Variants in ENAH observed in about 807,000 individuals in gnomAD.
The protein encoded by ENAH is ENAH actin regulator, also known as protein enabled homolog.
In ENAH, 23 loss-of-function variants were observed where a neutral mutation model predicts 78.7. The ratio of observed to expected loss-of-function variants is 0.29; its 90% CI spans 0.21 to 0.41. The LOEUF (loss-of-function observed/expected upper bound fraction) is 0.41, where lower values mean the gene tolerates loss of function less well. ENAH is among the 10% of genes least tolerant of loss of function. ENAH has a pLI of 1.00. For synonymous variants in ENAH, 226 were observed against 241.0 expected, an observed-to-expected ratio of 0.94 and a Z score of 0.58; for missense variants, 544 against 691.0, an observed-to-expected ratio of 0.79 and a Z score of 2.39.
At chr1:225,643,022 A>G (rs930500499) in intron 1 of ENAH, among the ~76,000 whole-genome samples, 1 of 151,880 alleles carries the variant, frequency 6.6e-6, no homozygotes, top group African/African-American at 2.4e-5. Context: ...AACTGATACA[A>G]CTCCCTTTAG....
intron 1 of ENAH, among the ~76,000 whole-genome samples, chr1:225,636,319 C>T (rs1435647112): frequency 6.6e-6 from 1 of 152,198 alleles, no homozygotes; most frequent in Non-Finnish European, 1.5e-5. Context: ...GGAAACAGAA[C>T]TGCTGACTGG....
chr1:225,619,418 C>T (rs909523558), intron 1 of ENAH, among the ~76,000 whole-genome samples: 1 of 152,276 alleles, frequency 6.6e-6, no homozygotes, highest in East Asian at 1.9e-4. Context: ...GTGGCAAGCA[C>T]CTGTAGTCCC....
At chr1:225,516,543 G>C (rs746763003) in intron 6 of ENAH, among the ~76,000 whole-genome samples, 5 of 152,134 alleles carry the variant, frequency 3.3e-5, no homozygotes, top group African/African-American at 4.8e-5. Flanking sequence ...TATTTATTGT[G>C]TGGTAGATCA....
chr1:225,634,977 G>A (rs1480106344), intron 1 of ENAH, among the ~76,000 whole-genome samples: 2 of 152,150 alleles, frequency 1.3e-5, no homozygotes, highest in East Asian at 3.8e-4. Flanking sequence ...ATTACGTTGT[G>A]TCTGCATATC....
chr1:225,643,275 TA>T (rs1249302672), intron 1 of ENAH, among the ~76,000 whole-genome samples: 1 of 151,962 alleles, frequency 6.6e-6, no homozygotes, highest in Non-Finnish European at 1.5e-5. Flanking sequence ...GAGGAAACAC[TA>T]ATAGTTCAGG....
intron 1 of ENAH, among the ~76,000 whole-genome samples, chr1:225,613,789 C>G (rs897586780): frequency 6.6e-6 from 1 of 152,166 alleles, no homozygotes; most frequent in African/African-American, 2.4e-5. Flanking sequence ...ACTCCTGACA[C>G]CAGATTCTCT....
At chr1:225,615,464 C>T (rs1357961604) in intron 1 of ENAH, among the ~76,000 whole-genome samples, 2 of 152,194 alleles carry the variant, frequency 1.3e-5, no homozygotes, top group African/African-American at 4.8e-5. Context: ...CTGGCCGCCA[C>T]CCCATCTGGG....
At chr1:225,578,453 C>T (rs571036387) in intron 1 of ENAH, among the ~76,000 whole-genome samples, 2 of 152,012 alleles carry the variant, frequency 1.3e-5, no homozygotes, top group African/African-American at 4.8e-5. Flanking sequence ...CCAGCTTGGG[C>T]GACAGAGCGA....
chr1:225,609,063 A>G (rs970965063), intron 1 of ENAH, among the ~76,000 whole-genome samples: 1 of 152,138 alleles, frequency 6.6e-6, no homozygotes, highest in African/African-American at 2.4e-5. Flanking sequence ...GGGAGCTACA[A>G]TGAAAAGCAA....
chr1:225,517,957 G>A (rs2096434849), intron 5 of ENAH: 1 of 1,546,714 alleles, frequency 6.5e-7, no homozygotes, highest in Non-Finnish European at 8.7e-7. Flanking sequence ...CTCAGGAAGT[G>A]GAGCGTTATA....
rs572685164 is a variant in ENAH at position 225,523,462 on chromosome 1, T to C, written c.435-3897A>G. On this transcript the variant is annotated intron_variant, in intron 4 of 13. Coordinates refer to ENST00000366843, the MANE Select transcript of ENAH (RefSeq NM_018212.6). ...AAAAGATAAGGAGTGTCTACTGATA[T>C]AGGAAAAGGACACAATGCTGGAGAA... 9.2e-5 allele frequency among the ~76,000 whole-genome samples: 14 copies of C among 151,946 alleles called. 1 individual carries two copies. Among genetic ancestry groups the C allele is most frequent in the Non-Finnish European group, 1.3e-4 (9 of 67,992 alleles).
intron 2 of ENAH, among the ~76,000 whole-genome samples, chr1:225,556,763 G>A (rs2096669132): frequency 6.6e-6 from 1 of 152,000 alleles, no homozygotes; most frequent in Non-Finnish European, 1.5e-5. Context: ...TCAATCACAA[G>A]GTCATGAAAA....
At chr1:225,521,744 T>C (rs947493345) in intron 4 of ENAH, among the ~76,000 whole-genome samples, 2 of 152,100 alleles carry the variant, frequency 1.3e-5, no homozygotes, top group African/African-American at 4.8e-5. Flanking sequence ...TAAGAAGTAC[T>C]TGAAACATAA....
intron 6 of ENAH, among the ~76,000 whole-genome samples, chr1:225,516,849 G>A (rs2096421718): frequency 6.6e-6 from 1 of 151,030 alleles, no homozygotes. Context: ...ACTCCAGCCT[G>A]GGCAACACAG....
chr1:225,644,926 T>A (rs773290505), intron 1 of ENAH, among the ~76,000 whole-genome samples: 1 of 152,214 alleles, frequency 6.6e-6, no homozygotes, highest in Non-Finnish European at 1.5e-5. Flanking sequence ...AAGATTCTGA[T>A]GGATTTGCTT....
rs2096772422 is a variant in ENAH, at chr1:225,573,225, T to C, written c.6-5811A>G. Among the ~76,000 whole-genome samples the C allele has an allele frequency of 2.0e-5, 3 of 152,330 alleles. No individual in the cohort carries two copies. In the South Asian group the frequency reaches 6.2e-4, roughly 32 times the overall value. ...AAGATATCACTTATTAATCATTACTTGTCAAAGAAAGCATGAATATGACAA... is the reference window on the plus strand; with the variant it reads ...AAGATATCACTTATTAATCATTACTCGTCAAAGAAAGCATGAATATGACAA... On this transcript the variant is annotated intron_variant, in intron 1 of 13. Coordinates refer to ENST00000366843, the MANE Select transcript of ENAH (RefSeq NM_018212.6).
At chr1:225,498,261 TG>T in intron 13 of ENAH, 85 bp downstream of exon 13, 1 of 1,090,298 alleles carries the variant, frequency 9.2e-7, no homozygotes, top group Non-Finnish European at 1.4e-6. Context: ...ACTAATCAGC[TG>T]GGTATTTCCT....
chr1:225,519,384 G>C lies in ENAH; in HGVS notation c.616C>G (p.Arg206Gly). 6.2e-7 allele frequency: 1 copy of C among 1,612,344 alleles called. No individual in the cohort carries two copies. The highest frequency in any genetic ancestry group is 2.2e-5 in the East Asian group (1 of 44,812). The part of the protein sequence containing the change: ...QERERQERLE[R>G]QERLERQERL... ...TCCTGCCGCTCCAGGCGTTCCTGCCGCTCCAGGCGTTCCTGCCGTTCCCGT... is the reference window on the plus strand; with the variant it reads ...TCCTGCCGCTCCAGGCGTTCCTGCCCCTCCAGGCGTTCCTGCCGTTCCCGT... The change falls in exon 5 of 14, where the codon CGG (arginine) becomes GGG (glycine). Residue 206 changes from arginine (R) to glycine (G), a missense_variant. Transcript: ENST00000366843.
intron 1 of ENAH, among the ~76,000 whole-genome samples, chr1:225,593,959 C>A: frequency 6.6e-6 from 1 of 152,148 alleles, no homozygotes; most frequent in East Asian, 1.9e-4. Flanking sequence ...GAAGAAGTAA[C>A]CAAATTGATG....
Sources: allele counts gnomAD v4.1 joint callset (sites outside exome capture counted in the v4.1 genomes callset), GRCh38; gene constraint gnomAD v4.1.1; transcripts MANE v1.5; gene names NCBI Gene and HGNC (gene_info 2026-07-23, HGNC 2026-07-21).